APBA2: variants seen among roughly 807,000 people sequenced by gnomAD.
The protein encoded by APBA2 is amyloid beta precursor protein binding family A member 2.
APBA2 carries 30 observed loss-of-function variants against 75.0 expected under a neutral mutation model. The observed-to-expected ratio is 0.40, with a 90% confidence interval of 0.30 to 0.54. APBA2 has a LOEUF of 0.54. APBA2 is among the 20% of genes least tolerant of loss of function. APBA2 has a pLI of 0.49. For missense variants in APBA2, 801 were observed against 1,016.1 expected, an observed-to-expected ratio of 0.79 and a Z score of 2.88; for synonymous variants, 444 against 409.6, an observed-to-expected ratio of 1.08 and a Z score of -1.01.
chr15:29,097,318 G>A (rs1489980831), intron 8 of APBA2, among the ~76,000 whole-genome samples: 1 of 152,276 alleles, frequency 6.6e-6, no homozygotes, highest in Admixed American at 6.5e-5. Context: ...AGGGGCTGTG[G>A]CGACAGACCC....
chr15:29,009,839 G>A (rs2039310516), intron 3 of APBA2, among the ~76,000 whole-genome samples: 1 of 152,110 alleles, frequency 6.6e-6, no homozygotes, highest in Non-Finnish European at 1.5e-5. Flanking sequence ...ATCTTTTCTA[G>A]TTTTGGGTCA....
rs537341722 is a variant in APBA2 at position 29,102,030 on chromosome 15, A to G, written c.1524+246A>G. On this transcript the variant is annotated intron_variant, in intron 10 of 14. Transcript: ENST00000683413. ...AAATTGAGTTGTGGTTAAATATATG[A>G]GGGAGCTATTTGAAGAAATCCCTTT... The G allele has an allele frequency of 3.9e-4, 231 of 586,190 alleles. 4 individuals carry two copies. The South Asian group carries it at 4.7e-3, about 12-fold the overall frequency. 36.3% of individuals were successfully genotyped at this position (586,190 alleles called of 1,614,324 possible).
At chr15:29,061,897 G>A (rs560241709) in intron 4 of APBA2, among the ~76,000 whole-genome samples, 5 of 152,368 alleles carry the variant, frequency 3.3e-5, no homozygotes, top group African/African-American at 1.2e-4. Flanking sequence ...GCATGGGGTT[G>A]TTGGCACCCA....
At chr15:29,108,437 A>G (rs923025339) in intron 13 of APBA2, 48 bp downstream of exon 13, 8 of 1,613,058 alleles carry the variant, frequency 5.0e-6, no homozygotes, top group Non-Finnish European at 6.8e-6. Flanking sequence ...TGCAGGGCCC[A>G]GGGAGGGGGA....
At chr15:28,925,244 TA>T (rs2034195475) in intron 2 of APBA2, among the ~76,000 whole-genome samples, 1 of 152,220 alleles carries the variant, frequency 6.6e-6, no homozygotes, top group Admixed American at 6.5e-5. Context: ...GGTTGTAGTG[TA>T]TAATTCTTTT....
At chr15:28,920,596 A>G (rs1352767158) in intron 1 of APBA2, among the ~76,000 whole-genome samples, 1 of 152,182 alleles carries the variant, frequency 6.6e-6, no homozygotes, top group Non-Finnish European at 1.5e-5. Context: ...GTGGGAATAA[A>G]TGTTTGGGTT....
At chr15:29,112,961 C>T (rs1211517254) in intron 13 of APBA2, among the ~76,000 whole-genome samples, 2 of 152,116 alleles carry the variant, frequency 1.3e-5, no homozygotes, top group East Asian at 1.9e-4. Context: ...AGTGTTTGTT[C>T]GTGTGCCTGG....
At chr15:28,910,783 C>T (rs2033392809) in intron 1 of APBA2, among the ~76,000 whole-genome samples, 1 of 152,170 alleles carries the variant, frequency 6.6e-6, no homozygotes, top group Admixed American at 6.5e-5. Flanking sequence ...TTTGATACAG[C>T]CGTGTCAGTT....
chr15:29,067,664 A>G (rs1240445776), intron 4 of APBA2, among the ~76,000 whole-genome samples: 1 of 152,154 alleles, frequency 6.6e-6, no homozygotes, highest in Non-Finnish European at 1.5e-5. Flanking sequence ...AATAACAGCT[A>G]TTTCTGCCAT....
rs118183627 is a variant in APBA2, at chr15:28,987,191, T to C, written c.-94-8562T>C. Among the ~76,000 whole-genome samples the C allele has an allele frequency of 1.6e-4, 25 of 152,356 alleles. No homozygotes were observed. In the East Asian group the frequency reaches 4.6e-3, roughly 28 times the overall value. ...AAGAATAATGTGATGAACAGCTAGG[T>C]ATCCACAAGCTGCTAAAGGTAGAGA... On this transcript the variant is annotated intron_variant, in intron 2 of 14. Coordinates refer to ENST00000683413, the MANE Select transcript of APBA2 (RefSeq NM_001353788.2).
rs2044399193 is a variant in APBA2, at chr15:29,106,323, G to A, written c.1705-284G>A. ...GTCAGTGTTGGGCACGGGTGGGGTT[G>A]GGGTCAATGCCAGGCACGGGTGGGG... On this transcript the variant is annotated intron_variant, in intron 11 of 14. Transcript: ENST00000683413. Among the ~76,000 whole-genome samples the A allele has an allele frequency of 3.3e-5, 5 of 151,824 alleles. No homozygotes were observed. The South Asian group carries it at 1.0e-3, about 32-fold the overall frequency.
intron 9 of APBA2, among the ~76,000 whole-genome samples, chr15:29,099,988 G>A (rs1395791124): frequency 6.6e-6 from 1 of 152,170 alleles, no homozygotes; most frequent in Non-Finnish European, 1.5e-5. Context: ...TTTCCCTTCT[G>A]GATCTTTGGA....
intron 2 of APBA2, among the ~76,000 whole-genome samples, chr15:28,926,057 C>A (rs1014219919): frequency 2.0e-5 from 3 of 152,124 alleles, no homozygotes; most frequent in Non-Finnish European, 2.9e-5. Context: ...TTTTAACCTA[C>A]CAGTGTCTCT....
At chr15:29,010,045 A>G (rs1022214928) in intron 3 of APBA2, among the ~76,000 whole-genome samples, 5 of 152,164 alleles carry the variant, frequency 3.3e-5, no homozygotes, top group Non-Finnish European at 5.9e-5. Flanking sequence ...CATTTGCTCC[A>G]CATCCTTGCT....
At chr15:29,001,754 CT>C (rs1291233204) in intron 3 of APBA2, among the ~76,000 whole-genome samples, 11 of 152,078 alleles carry the variant, frequency 7.2e-5, no homozygotes, top group Non-Finnish European at 1.5e-4. Flanking sequence ...ACACCCAGTT[CT>C]TTTTTGTTTT....
Position 29,057,197 on chromosome 15 carries a change from C to T in APBA2, c.951+2362C>T, listed in dbSNP as rs190306182. 1.8e-4 allele frequency among the ~76,000 whole-genome samples: 28 copies of T among 152,282 alleles called. No homozygotes were observed. The East Asian group carries it at 5.4e-3, about 29-fold the overall frequency. On this transcript the variant is annotated intron_variant, in intron 4 of 14. Coordinates refer to ENST00000683413, the MANE Select transcript of APBA2 (RefSeq NM_001353788.2). ...ATTGGTCACTTAGATGCTGTAGACTCCTGTTTTTAACCCTAACCCAGCAGC... is the reference window on the plus strand; with the variant it reads ...ATTGGTCACTTAGATGCTGTAGACTTCTGTTTTTAACCCTAACCCAGCAGC...
intron 1 of APBA2, among the ~76,000 whole-genome samples, chr15:28,911,551 C>T (rs967316233): frequency 1.3e-5 from 2 of 152,210 alleles, no homozygotes; most frequent in Admixed American, 1.3e-4. Flanking sequence ...ATCTCATTTA[C>T]ATGTCTCTGG....
At chr15:28,902,538 C>T (rs1031782646) in intron 1 of APBA2, among the ~76,000 whole-genome samples, 5 of 152,194 alleles carry the variant, frequency 3.3e-5, no homozygotes, top group Middle Eastern at 3.4e-3. Flanking sequence ...AGAAAGAGGG[C>T]GCTAGGGAGA....
At chr15:28,943,479 A>G (rs1215740013) in intron 2 of APBA2, among the ~76,000 whole-genome samples, 3 of 152,198 alleles carry the variant, frequency 2.0e-5, no homozygotes, top group African/African-American at 7.2e-5. Flanking sequence ...AAATGCTACC[A>G]CAAGCCCTTT....
Sources: gnomAD v4.1 joint callset for allele counts (sites outside exome capture counted in the v4.1 genomes callset) on GRCh38, gnomAD v4.1.1 for gene constraint, MANE v1.5 for transcripts, NCBI Gene and HGNC (gene_info 2026-07-23, HGNC 2026-07-21) for gene names.